KCNC2: variants seen among roughly 807,000 people sequenced by gnomAD.
KCNC2 encodes the protein potassium voltage-gated channel subfamily C member 2.
In KCNC2, 21 loss-of-function variants were observed where a neutral mutation model predicts 44.5. That is an observed-to-expected ratio of 0.47 (90% CI 0.33 to 0.68). The LOEUF (loss-of-function observed/expected upper bound fraction) is 0.68, where lower values mean the gene tolerates loss of function less well. KCNC2 is among the 30% of genes least tolerant of loss of function. The pLI is 0.01. For synonymous variants in KCNC2, 391 were observed against 339.1 expected, an observed-to-expected ratio of 1.15 and a Z score of -1.68; for missense variants, 589 against 826.2, an observed-to-expected ratio of 0.71 and a Z score of 3.52.
At chr12:75,097,717 G>A (rs1217921403) in intron 2 of KCNC2, among the ~76,000 whole-genome samples, 1 of 152,074 alleles carries the variant, frequency 6.6e-6, no homozygotes, top group Non-Finnish European at 1.5e-5. Context: ...ATTTTTAAGA[G>A]CAAGGACTTT....
At chr12:75,138,979 T>TAAAA (rs373729570) in intron 2 of KCNC2, among the ~76,000 whole-genome samples, 951 of 77,820 alleles carry the variant, frequency 0.012, 18 homozygotes, top group Non-Finnish European at 0.018. Context: ...AGACTCCGTG[T>TAAAA]AAAAAAAAAA....
chr12:75,051,310 G>A lies in KCNC2; in HGVS notation c.695C>T (p.Ala232Val), dbSNP rs1202081813. The change falls in exon 3 of 5, where the codon GCT becomes GTT. Residue 232 changes from alanine (A) to valine (V), a missense_variant. Ala to Val is a moderately conservative substitution (Grantham distance 64, BLOSUM62 0). Coordinates refer to ENST00000549446, the MANE Select transcript of KCNC2 (RefSeq NM_139137.4). ...CAGGATGAAGAATAAAGAAGCAAAA[G>A]CAATAAACTGTAGAGGAAAAAGAAA... ...PYSSRAARFIAFASLFFILVS... is the reference protein window; with the variant it reads ...PYSSRAARFIVFASLFFILVS... 4 of 1,568,504 alleles carry A rather than the reference G, an allele frequency of 2.6e-6. No individual in the cohort carries two copies. The highest frequency in any genetic ancestry group is 3.5e-6 in the Non-Finnish European group (4 of 1,148,310).
At position 75,081,025 on chromosome 12, in the gene KCNC2, C is replaced by T. The variant is rs73359203; in HGVS notation, c.688-29708G>A. ...TCTGGAAATAGTAATATATGCTAGCCGAGGATAAAATTTACAATTTTCAGA... is the reference window on the plus strand; with the variant it reads ...TCTGGAAATAGTAATATATGCTAGCTGAGGATAAAATTTACAATTTTCAGA... On this transcript the variant is annotated intron_variant, in intron 2 of 4. Transcript: ENST00000549446. Among the ~76,000 whole-genome samples, 341 of 152,102 alleles carry T rather than the reference C, an allele frequency of 2.2e-3. 2 individuals are homozygous for T. Among genetic ancestry groups the T allele is most frequent in the African/African-American group, 7.8e-3 (322 of 41,512 alleles).
intron 2 of KCNC2, among the ~76,000 whole-genome samples, chr12:75,106,950 T>C (rs922787737): frequency 1.3e-5 from 2 of 152,196 alleles, no homozygotes; most frequent in African/African-American, 4.8e-5. Context: ...AACACTACTT[T>C]CTATCAGCAA....
Position 75,048,321 on chromosome 12 carries a change from G to A in KCNC2, c.1616-4C>T, listed in dbSNP as rs1320537968. 6.2e-7 allele frequency: 1 copy of A among 1,605,628 alleles called. No homozygotes were observed. The highest frequency in any genetic ancestry group is 8.5e-7 in the Non-Finnish European group (1 of 1,176,412). On this transcript the variant is annotated splice_region_variant and splice_polypyrimidine_tract_variant and intron_variant, in intron 3 of 4. Transcript: ENST00000549446. ...GTACTGTCGTCACCTGATAACACTG[G>A]TCACAGCACCATGCCCATTGACAGA...
At chr12:75,048,637 T>TA (rs1880818260) in intron 3 of KCNC2, among the ~76,000 whole-genome samples, 1 of 152,150 alleles carries the variant, frequency 6.6e-6, no homozygotes, top group Admixed American at 6.6e-5. Context: ...ATTATTGTCT[T>TA]ACAATTTTTG....
At position 75,207,719 on chromosome 12, in the gene KCNC2, C is replaced by A. The variant is rs779052985; in HGVS notation, c.265G>T (p.Gly89Cys). Residue 89 changes from glycine (G) to cysteine (C), a missense_variant, in exon 2 of 5, where the codon GGC becomes TGC. Around this residue, in one of 7 missense-constraint regions of KCNC2, gnomAD observed 148 missense variants for 140.1 expected, o/e 1.06. Transcript: ENST00000549446. The surrounding 1 kb of genome is among the most constrained non-coding windows in gnomAD (Gnocchi z 4.1). ...EGGAGNCSSR[G>C]GRASDHPGGG... The stretch of plus-strand genomic sequence containing the variant: ...CCGGGATGGTCGCTGGCCCTGCCGC[C>A]GCGGGAACTGCAGTTGCCCGCGCCG... 1.3e-6 allele frequency: 2 copies of A among 1,577,092 alleles called. No individual in the cohort carries two copies. Among genetic ancestry groups the A allele is most frequent in the East Asian group, 4.6e-5 (2 of 43,114 alleles).
intron 2 of KCNC2, among the ~76,000 whole-genome samples, chr12:75,182,662 T>A (rs760390223): frequency 1.2e-4 from 18 of 152,262 alleles, no homozygotes; most frequent in Non-Finnish European, 2.2e-4. Context: ...TTTTTTAGAT[T>A]TTTAGAAAGG....
chr12:75,096,224 C>T (rs1463575806), intron 2 of KCNC2, among the ~76,000 whole-genome samples: 3 of 151,980 alleles, frequency 2.0e-5, no homozygotes, highest in African/African-American at 7.2e-5. Flanking sequence ...AATTCAATCT[C>T]CCCACAACTA....
intron 2 of KCNC2, among the ~76,000 whole-genome samples, chr12:75,092,855 C>T (rs139222905): frequency 6.6e-6 from 1 of 151,660 alleles, no homozygotes; most frequent in Non-Finnish European, 1.5e-5. Context: ...AATAGCTTTG[C>T]TGAAAATTAA....
rs542443174 is a variant in KCNC2 at position 75,113,497 on chromosome 12, A to G, written c.688-62180T>C. ...ATTCTCTTCAGTATCATCGTTCAAA[A>G]TATTCTTACATGTAGGTTTATATTT... On this transcript the variant is annotated intron_variant, in intron 2 of 4. Transcript: ENST00000549446. 2.6e-5 allele frequency among the ~76,000 whole-genome samples: 4 copies of G among 152,300 alleles called. No homozygotes were observed. In the East Asian group the frequency reaches 7.7e-4, roughly 29 times the overall value.
chr12:75,195,472 A>C (rs2030680242), intron 2 of KCNC2, among the ~76,000 whole-genome samples: 2 of 152,192 alleles, frequency 1.3e-5, no homozygotes, highest in African/African-American at 4.8e-5. Flanking sequence ...TTGAATGAGA[A>C]AGAAGTCATA....
chr12:75,172,282 T>C (rs1217560305), intron 2 of KCNC2, among the ~76,000 whole-genome samples: 1 of 151,652 alleles, frequency 6.6e-6, no homozygotes, highest in African/African-American at 2.4e-5. Flanking sequence ...GATGAGAACA[T>C]ATGGGAAGAT....
intron 2 of KCNC2, among the ~76,000 whole-genome samples, chr12:75,156,386 A>T (rs1180626905): frequency 6.6e-6 from 1 of 151,818 alleles, no homozygotes; most frequent in Non-Finnish European, 1.5e-5. Context: ...CCCATAAATA[A>T]AGTTTTATTG....
chr12:75,196,364 C>A (rs1459050382), intron 2 of KCNC2, among the ~76,000 whole-genome samples: 5 of 152,052 alleles, frequency 3.3e-5, no homozygotes, highest in Admixed American at 1.3e-4. Context: ...CAGGGAGAGA[C>A]AACTTATTTC....
rs112129394 is a variant in KCNC2, at chr12:75,134,224, A to T, written c.687+73073T>A. On this transcript the variant is annotated intron_variant, in intron 2 of 4. Coordinates refer to ENST00000549446, the MANE Select transcript of KCNC2 (RefSeq NM_139137.4). ...TAGAGCATAGTACTTAAAATATAAT[A>T]AAAAAAGTTAAAAAAATTAAAGCAT... Among the ~76,000 whole-genome samples, 481 of 151,208 alleles carry T rather than the reference A, an allele frequency of 3.2e-3. 1 individual carries two copies. The highest frequency in any genetic ancestry group is 4.9e-3 in the Non-Finnish European group (334 of 67,504).
chr12:75,061,479 G>C (rs1261512649), intron 2 of KCNC2, among the ~76,000 whole-genome samples: 1 of 151,508 alleles, frequency 6.6e-6, no homozygotes, highest in African/African-American at 2.4e-5. Flanking sequence ...AGTTTCCTAT[G>C]ATGAAGCAGT....
At chr12:75,077,347 C>T (rs1884085765) in intron 2 of KCNC2, among the ~76,000 whole-genome samples, 1 of 152,080 alleles carries the variant, frequency 6.6e-6, no homozygotes, top group Non-Finnish European at 1.5e-5. Context: ...TAATAAACTC[C>T]TATTTTTATG....
chr12:75,047,969 G>A lies in KCNC2; in HGVS notation c.1780+184C>T, dbSNP rs148936141. 4.9e-3 allele frequency among the ~76,000 whole-genome samples: 743 copies of A among 152,108 alleles called. 6 individuals are homozygous for A. The highest frequency in any genetic ancestry group is 0.017 in the African/African-American group (699 of 41,520). On this transcript the variant is annotated intron_variant, in intron 4 of 4. Coordinates refer to ENST00000549446, the MANE Select transcript of KCNC2 (RefSeq NM_139137.4). Reference sequence around the variant, plus strand: ...GGATGAGATGTCTTTCAGATATGACGATCACATAGGTTATTATGTATTTTA... The same window carrying A: ...GGATGAGATGTCTTTCAGATATGACAATCACATAGGTTATTATGTATTTTA...
Sources: gnomAD v4.1 joint callset for allele counts (sites outside exome capture counted in the v4.1 genomes callset) on GRCh38, gnomAD v4.1.1 for gene constraint, gnomAD v4.1.1 regional missense constraint, Gnocchi (gnomAD v3.1) non-coding constraint, MANE v1.5 for transcripts, NCBI Gene and HGNC (gene_info 2026-07-23, HGNC 2026-07-21) for gene names.